Variants in CHRNA7 observed in about 807,000 individuals in gnomAD.
CHRNA7 encodes the protein neuronal acetylcholine receptor subunit alpha-7.
A neutral mutation model predicts 48.0 loss-of-function variants in CHRNA7; 17 were observed. The ratio of observed to expected loss-of-function variants is 0.35; its 90% CI spans 0.24 to 0.53. The LOEUF (loss-of-function observed/expected upper bound fraction) is 0.53. Ranked by LOEUF, CHRNA7 falls within the 20% of genes least tolerant of loss-of-function variation. The probability of loss-of-function intolerance (pLI) is 0.92; values close to 1 mark genes in which losing one functional copy is unlikely to be tolerated. For synonymous variants in CHRNA7, 75 were observed against 242.3 expected (o/e 0.31, Z 6.41); for missense variants, 155 against 577.7 (o/e 0.27, Z 7.50).
chr15:32,051,918 C>T (rs1013969842), intron 2 of CHRNA7, among the ~76,000 whole-genome samples: 1 of 152,172 alleles, frequency 6.6e-6, no homozygotes, highest in Non-Finnish European at 1.5e-5. Flanking sequence ...CTGAAGTGAT[C>T]TGCCCGCCTT....
rs1185863752 is a variant in CHRNA7, at chr15:32,039,992, A to G, written c.195+8955A>G. Among the ~76,000 whole-genome samples the G allele has an allele frequency of 2.0e-5, 3 of 152,140 alleles. No individual in the cohort carries two copies. The East Asian group carries it at 5.8e-4, about 29-fold the overall frequency. On this transcript the variant is annotated intron_variant, in intron 2 of 9. Coordinates refer to ENST00000306901, the MANE Select transcript of CHRNA7 (RefSeq NM_000746.6). ...TTGTAGAACTGGTCTTTTTATCATTAAGTAATATCCTTTTTTATCCCTGGA... is the reference window on the plus strand; with the variant it reads ...TTGTAGAACTGGTCTTTTTATCATTGAGTAATATCCTTTTTTATCCCTGGA...
chr15:32,142,916 C>T (rs1381189017), intron 4 of CHRNA7, among the ~76,000 whole-genome samples: 1 of 152,118 alleles, frequency 6.6e-6, no homozygotes, highest in Non-Finnish European at 1.5e-5. Context: ...GTCTCTATCT[C>T]CTTCAGTTCT....
rs555800417 is a variant in CHRNA7 at position 32,038,323 on chromosome 15, G to A, written c.195+7286G>A. ...AGTTGAGGAAGTTCTCCCCTATTCC[G>A]TTTACTGAAAGTTTTTGTGATGAAT... On this transcript the variant is annotated intron_variant, in intron 2 of 9. Coordinates refer to ENST00000306901, the MANE Select transcript of CHRNA7 (RefSeq NM_000746.6). Among the ~76,000 whole-genome samples, 129 of 151,578 alleles carry A rather than the reference G, an allele frequency of 8.5e-4. 1 individual carries two copies. Among genetic ancestry groups the A allele is most frequent in the African/African-American group, 3.0e-3 (125 of 41,356 alleles).
chr15:32,059,235 G>A (rs908461507), intron 2 of CHRNA7, among the ~76,000 whole-genome samples: 14 of 152,146 alleles, frequency 9.2e-5, no homozygotes, highest in East Asian at 3.9e-4. Context: ...AACTCCTGAC[G>A]TCAGGTGATG....
chr15:32,042,006 C>T (rs1337345179), intron 2 of CHRNA7, among the ~76,000 whole-genome samples: 2 of 152,176 alleles, frequency 1.3e-5, no homozygotes, highest in Admixed American at 6.5e-5. Flanking sequence ...GGTACTAATG[C>T]ATGTTCTGTC....
chr15:32,070,704 T>G (rs2050043527), intron 2 of CHRNA7, among the ~76,000 whole-genome samples: 1 of 85,730 alleles, frequency 1.2e-5, no homozygotes, highest in African/African-American at 4.7e-5. Context: ...TTTTTTTTTT[T>G]GAGACGGAGT....
intron 2 of CHRNA7, among the ~76,000 whole-genome samples, chr15:32,086,701 C>T (rs1282204564): frequency 6.6e-6 from 1 of 152,146 alleles, no homozygotes; most frequent in Admixed American, 6.5e-5. Flanking sequence ...AACAGTTTTT[C>T]AGCCTTTCCT....
intron 2 of CHRNA7, among the ~76,000 whole-genome samples, chr15:32,047,546 G>A (rs1341387822): frequency 1.3e-5 from 2 of 152,150 alleles, no homozygotes; most frequent in South Asian, 4.1e-4. Context: ...TGCTGAAGTT[G>A]CTTATCAGCT....
intron 4 of CHRNA7, among the ~76,000 whole-genome samples, chr15:32,136,919 C>G (rs1231244325): frequency 6.7e-6 from 1 of 148,700 alleles, no homozygotes; most frequent in African/African-American, 2.5e-5. Flanking sequence ...GTAGTCCCAG[C>G]TACTTGGGAG....
rs2052404946 is a variant in CHRNA7, at chr15:32,170,730, T to C, written c.*2272T>C. 9.2e-6 allele frequency: 1 copy of C among 108,602 alleles called. No individual in the cohort carries two copies. The highest frequency in any genetic ancestry group is 2.0e-5 in the Non-Finnish European group (1 of 49,104). 6.7% of individuals were successfully genotyped at this position (108,602 alleles called of 1,614,324 possible). A position where few individuals can be genotyped will look rare whatever the true frequency, so the allele number is the denominator to read the frequency against. On this transcript the variant is annotated 3_prime_UTR_variant, in exon 10 of 10. Coordinates refer to ENST00000306901, the MANE Select transcript of CHRNA7 (RefSeq NM_000746.6). ...ACAGTCTCCCATACTGCCTGTTTTC[T>C]CTCTCAGAGGGGACCACTAATGAGC...
chr15:32,103,024 A>G (rs969216790), intron 3 of CHRNA7: 10 of 152,296 alleles, frequency 6.6e-5, no homozygotes, highest in African/African-American at 2.4e-4. Context: ...TGAATTGACC[A>G]TTTGTTTGGT....
intron 5 of CHRNA7, chr15:32,156,664 A>G (rs2051744520): frequency 1.3e-5 from 1 of 74,172 alleles, no homozygotes; most frequent in Non-Finnish European, 3.0e-5. Context: ...CCTAGCCTGG[A>G]ATAGCTCTTT....
chr15:32,154,865 C>T (rs1160562386), intron 5 of CHRNA7, among the ~76,000 whole-genome samples: 5 of 16,780 alleles, frequency 3.0e-4, no homozygotes, highest in South Asian at 2.8e-3. Context: ...CCCTCACACA[C>T]ACCACTCACA....
At chr15:32,046,354 T>C (rs985816949) in intron 2 of CHRNA7, among the ~76,000 whole-genome samples, 1 of 144,938 alleles carries the variant, frequency 6.9e-6, no homozygotes, top group Non-Finnish European at 1.5e-5. Context: ...TTTTAATGAT[T>C]GGCATTCTAA....
At chr15:32,084,440 A>G (rs1201869564) in intron 2 of CHRNA7, among the ~76,000 whole-genome samples, 2 of 152,206 alleles carry the variant, frequency 1.3e-5, no homozygotes, top group Non-Finnish European at 1.5e-5. Flanking sequence ...CTGGGCGGCA[A>G]TGTGCATGAG....
intron 4 of CHRNA7, among the ~76,000 whole-genome samples, chr15:32,130,427 ATATC>A (rs1417741069): frequency 6.6e-6 from 1 of 151,556 alleles, no homozygotes; most frequent in Non-Finnish European, 1.5e-5. Flanking sequence ...ATGTAAATTT[ATATC>A]TATCTTTCAT....
intron 2 of CHRNA7, among the ~76,000 whole-genome samples, chr15:32,068,589 G>C (rs548758637): frequency 1.3e-5 from 2 of 152,198 alleles, no homozygotes; most frequent in South Asian, 2.1e-4. Flanking sequence ...TCTACATGGT[G>C]GTGGGCGCCT....
intron 2 of CHRNA7, among the ~76,000 whole-genome samples, chr15:32,087,920 A>G (rs1378975478): frequency 1.3e-5 from 2 of 152,210 alleles, no homozygotes; most frequent in Non-Finnish European, 2.9e-5. Context: ...TACATTTTGT[A>G]TTCCATTCTG....
intron 2 of CHRNA7, among the ~76,000 whole-genome samples, chr15:32,064,262 CCTT>C (rs137904930): frequency 2.0e-5 from 3 of 151,954 alleles, no homozygotes; most frequent in Non-Finnish European, 4.4e-5. Context: ...TTTCCCTTCC[CCTT>C]CTTCTTTCTT....
Sources: allele counts gnomAD v4.1 joint callset (sites outside exome capture counted in the v4.1 genomes callset), GRCh38; gene constraint gnomAD v4.1.1; transcripts MANE v1.5; gene names NCBI Gene and HGNC (gene_info 2026-07-23, HGNC 2026-07-21).